Variants in BRINP1 observed in about 807,000 individuals in gnomAD.
The protein encoded by BRINP1 is BMP/retinoic acid-inducible neural-specific protein 1.
BRINP1 carries 17 observed loss-of-function variants against 72.9 expected under a neutral mutation model. The observed-to-expected ratio is 0.23, with a 90% CI of 0.16 to 0.35. The LOEUF is 0.35. BRINP1 is among the 10% of genes least tolerant of loss of function. The pLI, the probability that BRINP1 is intolerant of heterozygous loss-of-function variation, is 1.00. For synonymous variants in BRINP1, 418 were observed against 378.5 expected, an observed-to-expected ratio of 1.10 and a Z score of -1.21; for missense variants, 850 against 1,001.6, an observed-to-expected ratio of 0.85 and a Z score of 2.04.
intron 2 of BRINP1, among the ~76,000 whole-genome samples, chr9:119,282,529 AAAGAG>A (rs764587141): frequency 3.9e-5 from 6 of 152,176 alleles, no homozygotes; most frequent in Non-Finnish European, 8.8e-5. Flanking sequence ...GAAGAATGTA[AAAGAG>A]AAGAGTAATA....
intron 7 of BRINP1, among the ~76,000 whole-genome samples, chr9:119,183,625 AC>A (rs1328188738): frequency 6.6e-6 from 1 of 152,224 alleles, no homozygotes; most frequent in African/African-American, 2.4e-5. Context: ...CGTATGTAAT[AC>A]TTTAGTAAAA....
chr9:119,258,387 G>C (rs368657666), intron 2 of BRINP1, among the ~76,000 whole-genome samples: 2 of 152,196 alleles, frequency 1.3e-5, no homozygotes, highest in African/African-American at 2.4e-5. Context: ...CTGAAGCACT[G>C]TTATCGAGGG....
At chr9:119,170,680 C>G (rs1829395270) in intron 7 of BRINP1, among the ~76,000 whole-genome samples, 1 of 133,356 alleles carries the variant, frequency 7.5e-6, no homozygotes, top group Non-Finnish European at 1.6e-5. Flanking sequence ...ACATAATTGT[C>G]AGATTCACCA....
At chr9:119,217,324 CACACAG>C (rs1829988581) in intron 5 of BRINP1, among the ~76,000 whole-genome samples, 1 of 143,026 alleles carries the variant, frequency 7.0e-6, no homozygotes, top group African/African-American at 2.6e-5. Flanking sequence ...AACACACAGA[CACACAG>C]ACACACACAC....
At chr9:119,179,643 TC>T (rs979363670) in intron 7 of BRINP1, among the ~76,000 whole-genome samples, 3 of 152,136 alleles carry the variant, frequency 2.0e-5, no homozygotes, top group African/African-American at 4.8e-5. Context: ...GAGATAGGAT[TC>T]CCTTGTGATT....
At position 119,245,013 on chromosome 9, in the gene BRINP1, ACT is replaced by A. The variant is rs1420035123; in HGVS notation, c.410-2799_410-2798del. On this transcript the variant is annotated intron_variant, in intron 3 of 7. Coordinates refer to ENST00000265922, the MANE Select transcript of BRINP1 (RefSeq NM_014618.3). ...CTGGACTTTAGCCCTCTGGGACATA[ACT>A]CTTCCTTTCCTTCTGAGCCCCTGGG... Among the ~76,000 whole-genome samples, 4 of 151,968 alleles carry A rather than the reference ACT, an allele frequency of 2.6e-5. No homozygotes were observed. In the East Asian group the frequency reaches 7.8e-4, roughly 29 times the overall value.
intron 2 of BRINP1, among the ~76,000 whole-genome samples, chr9:119,290,862 C>G (rs2118972748): frequency 6.6e-6 from 1 of 152,290 alleles, no homozygotes; most frequent in Non-Finnish European, 1.5e-5. Flanking sequence ...GTGGCTCACG[C>G]CTGTAATCCC....
chr9:119,180,453 TG>T (rs1325808989), intron 7 of BRINP1, among the ~76,000 whole-genome samples: 5 of 149,886 alleles, frequency 3.3e-5, no homozygotes, highest in African/African-American at 1.2e-4. Flanking sequence ...GTTCTTTAGT[TG>T]TGCTGTGTGT....
chr9:119,208,571 A>G lies in BRINP1; in HGVS notation c.1145+148T>C, dbSNP rs1829884023. 4.2e-6 allele frequency: 3 copies of G among 707,130 alleles called. No individual in the cohort carries two copies. The South Asian group carries it at 5.5e-5, about 13-fold the overall frequency. The allele number at this position is 707,130 out of a possible 1,614,324, so 43.8% of individuals were successfully genotyped here. A position where few individuals can be genotyped will look rare whatever the true frequency, so the allele number is the denominator to read the frequency against. On this transcript the variant is annotated intron_variant, in intron 7 of 7. Coordinates refer to ENST00000265922, the MANE Select transcript of BRINP1 (RefSeq NM_014618.3). ...AGCCAGTAGGTGAGGACCCAGAGGC[A>G]ATCCAGAAAATTGTTGGTCTGGACC... is the stretch of plus-strand genomic sequence containing the variant.
At chr9:119,337,019 C>T (rs925761355) in intron 1 of BRINP1, among the ~76,000 whole-genome samples, 2 of 152,008 alleles carry the variant, frequency 1.3e-5, no homozygotes, top group African/African-American at 2.4e-5. Context: ...TTCTCCATCT[C>T]GATGGTTCCA....
rs147507214 is a variant in BRINP1, at chr9:119,313,856, A to G, written c.-50-451T>C. On this transcript the variant is annotated intron_variant, in intron 1 of 7. Transcript: ENST00000265922. ...ATAGGGACACAATTCAAGTGAGTGT[A>G]CCCTCTTCTGTCTTCACTAACAACC... Among the ~76,000 whole-genome samples the G allele has an allele frequency of 7.2e-5, 11 of 152,324 alleles. No individual in the cohort carries two copies. In the East Asian group the frequency reaches 2.1e-3, roughly 29 times the overall value.
chr9:119,184,323 C>T (rs1032080005), intron 7 of BRINP1, among the ~76,000 whole-genome samples: 2 of 152,138 alleles, frequency 1.3e-5, no homozygotes, highest in African/African-American at 2.4e-5. Flanking sequence ...TGTACACCCT[C>T]GGTTGCCACC....
At chr9:119,238,968 G>A (rs1181249096) in intron 4 of BRINP1, among the ~76,000 whole-genome samples, 1 of 152,222 alleles carries the variant, frequency 6.6e-6, no homozygotes, top group East Asian at 1.9e-4. Context: ...AGCATACAGA[G>A]TGCATGCCTG....
chr9:119,261,970 C>G (rs1382074579), intron 2 of BRINP1, among the ~76,000 whole-genome samples: 3 of 151,908 alleles, frequency 2.0e-5, no homozygotes, highest in Non-Finnish European at 1.5e-5. Context: ...AATAATATCT[C>G]TTTTACAATA....
intron 7 of BRINP1, among the ~76,000 whole-genome samples, chr9:119,189,847 C>T (rs2118848228): frequency 6.6e-6 from 1 of 152,108 alleles, no homozygotes; most frequent in South Asian, 2.1e-4. Flanking sequence ...TAAAACATTT[C>T]ATTCAACATC....
intron 2 of BRINP1, among the ~76,000 whole-genome samples, chr9:119,270,359 G>A (rs892040829): frequency 1.3e-5 from 2 of 152,192 alleles, no homozygotes; most frequent in Non-Finnish European, 2.9e-5. Flanking sequence ...CCCGTGTTGA[G>A]AGTTGAACGT....
chr9:119,191,562 G>A (rs1190705513), intron 7 of BRINP1, among the ~76,000 whole-genome samples: 1 of 151,680 alleles, frequency 6.6e-6, no homozygotes, highest in Admixed American at 6.6e-5. Context: ...TTTGACCAAG[G>A]AAGTTAAAGA....
intron 1 of BRINP1, among the ~76,000 whole-genome samples, chr9:119,365,451 G>C (rs1587974981): frequency 6.6e-6 from 1 of 152,158 alleles, no homozygotes; most frequent in Admixed American, 6.6e-5. Flanking sequence ...TTCAGCAAGG[G>C]AAAAGCAGGA....
At chr9:119,241,187 T>C (rs1158231694) in intron 4 of BRINP1, among the ~76,000 whole-genome samples, 1 of 152,196 alleles carries the variant, frequency 6.6e-6, no homozygotes, top group Non-Finnish European at 1.5e-5. Context: ...AGCTCCTTGG[T>C]AGCCATATTT....
Sources: gnomAD v4.1 joint callset for allele counts (sites outside exome capture counted in the v4.1 genomes callset) on GRCh38, gnomAD v4.1.1 for gene constraint, MANE v1.5 for transcripts, NCBI Gene and HGNC (gene_info 2026-07-23, HGNC 2026-07-21) for gene names.